Variants in BMPR2 observed in about 807,000 individuals in gnomAD.
BMPR2 encodes bone morphogenetic protein receptor type-2.
BMPR2 carries 29 observed loss-of-function variants against 100.8 expected under a neutral mutation model. The observed-to-expected ratio is 0.29, with a 90% CI of 0.21 to 0.39. The LOEUF (loss-of-function observed/expected upper bound fraction) is 0.39, where lower values mean the gene tolerates loss of function less well. Among genes scored for constraint, BMPR2 ranks in the 10% least tolerant of loss-of-function variants. BMPR2 has a pLI of 1.00. For missense variants in BMPR2, 1,011 were observed against 1,274.5 expected (o/e 0.79, Z 3.15); for synonymous variants, 382 against 442.3 (o/e 0.86, Z 1.71).
chr2:202,544,084 G>A lies in BMPR2; in HGVS notation c.1413+1637G>A, dbSNP rs567986898. 9.6e-4 allele frequency among the ~76,000 whole-genome samples: 146 copies of A among 152,180 alleles called. 1 individual carries two copies. The highest frequency in any genetic ancestry group is 3.3e-3 in the African/African-American group (138 of 41,500). On this transcript the variant is annotated intron_variant, in intron 10 of 12. Coordinates refer to ENST00000374580, the MANE Select transcript of BMPR2 (RefSeq NM_001204.7). ...TTGAACCCCAGAGGTGGAGGTTGCA[G>A]CGAGGCGAGATCGTGCCACTGCACT...
Position 202,566,941 on chromosome 2 carries a change from A to G in BMPR2, c.*6995A>G, listed in dbSNP as rs1688772963. On this transcript the variant is annotated 3_prime_UTR_variant, in exon 13 of 13. Transcript: ENST00000374580. ...ATATTTTTAAAGAAGCTTAACAGTA[A>G]GAAAAAATTACTAAAAGATGCAATT... The G allele has an allele frequency of 6.6e-6, 1 of 152,248 alleles. No homozygotes were observed. Among genetic ancestry groups the G allele is most frequent in the Non-Finnish European group, 1.5e-5 (1 of 68,044 alleles). 9.4% of individuals were successfully genotyped at this position (152,248 alleles called of 1,614,324 possible). A position where few individuals can be genotyped will look rare whatever the true frequency, so the allele number is the denominator to read the frequency against.
chr2:202,439,231 TG>T (rs1435341995), intron 1 of BMPR2, among the ~76,000 whole-genome samples: 2 of 150,196 alleles, frequency 1.3e-5, no homozygotes, highest in Non-Finnish European at 2.9e-5. Flanking sequence ...CTATTATGAA[TG>T]GGCTCATTTT....
Position 202,513,739 on chromosome 2 carries a change from C to G in BMPR2, c.439C>G (p.Arg147Gly). The G allele has an allele frequency of 1.2e-6, 2 of 1,612,608 alleles. No individual in the cohort carries two copies. Among genetic ancestry groups the G allele is most frequent in the South Asian group, 2.2e-5 (2 of 90,964 alleles). ...TPLSPPHSFN[R>G]DETIIIALAS... is the part of the protein sequence containing the mutation. ...TTTAGGTCCACCTCATTCATTTAACCGAGATGAGACAATAATCATTGCTTT... is the reference window on the plus strand; with the variant it reads ...TTTAGGTCCACCTCATTCATTTAACGGAGATGAGACAATAATCATTGCTTT... Residue 147 changes from arginine (R) to glycine (G), a missense_variant, in exon 4 of 13, where the codon CGA becomes GGA. This residue lies in a region of BMPR2 where 355 missense variants were observed against 455.3 expected (regional missense o/e 0.78). Transcript: ENST00000374580.
intron 1 of BMPR2, among the ~76,000 whole-genome samples, chr2:202,397,916 T>A (rs1433717497): frequency 1.3e-5 from 2 of 151,350 alleles, no homozygotes; most frequent in Non-Finnish European, 3.0e-5. Flanking sequence ...AGGTCAGGAG[T>A]TTGAGACCAG....
chr2:202,529,894 A>G (rs1044832652), intron 7 of BMPR2, among the ~76,000 whole-genome samples: 1 of 152,170 alleles, frequency 6.6e-6, no homozygotes, highest in African/African-American at 2.4e-5. Context: ...CTAAGCAGAT[A>G]TTTTAAATTT....
At chr2:202,448,215 C>T (rs942162782) in intron 1 of BMPR2, among the ~76,000 whole-genome samples, 7 of 150,874 alleles carry the variant, frequency 4.6e-5, no homozygotes, top group Non-Finnish European at 8.8e-5. Context: ...TTTGGGAGGC[C>T]GAGGCGGGCG....
intron 1 of BMPR2, among the ~76,000 whole-genome samples, chr2:202,386,975 G>A (rs1467738417): frequency 2.6e-5 from 4 of 152,064 alleles, no homozygotes; most frequent in Admixed American, 6.6e-5. Flanking sequence ...GAGCCACTGC[G>A]CCCGGGCAGA....
chr2:202,384,552 C>CTT (rs1690380671), intron 1 of BMPR2, among the ~76,000 whole-genome samples: 3 of 56,636 alleles, frequency 5.3e-5, no homozygotes, highest in East Asian at 3.9e-4. Context: ...TTCTTTCTTT[C>CTT]TTTCTTTCTT....
intron 10 of BMPR2, among the ~76,000 whole-genome samples, chr2:202,547,922 A>T (rs1688405290): frequency 6.6e-6 from 1 of 151,948 alleles, no homozygotes; most frequent in African/African-American, 2.4e-5. Flanking sequence ...TGTCTCTACT[A>T]AAAATACAAA....
chr2:202,406,082 G>T (rs562443210), intron 1 of BMPR2, among the ~76,000 whole-genome samples: 6 of 152,164 alleles, frequency 3.9e-5, no homozygotes, highest in Non-Finnish European at 8.8e-5. Context: ...TCTACCTTCT[G>T]CTTACTGATG....
At position 202,464,994 on chromosome 2, in the gene BMPR2, C is replaced by A; in HGVS notation, c.247+15C>A. 6.2e-7 allele frequency: 1 copy of A among 1,613,514 alleles called. No homozygotes were observed. Among genetic ancestry groups the A allele is most frequent in the East Asian group, 2.2e-5 (1 of 44,860 alleles). On this transcript the variant is annotated intron_variant, in intron 2 of 12. Coordinates refer to ENST00000374580, the MANE Select transcript of BMPR2 (RefSeq NM_001204.7). ...TGTAAAACAAGGCAAGTGATACTTT[C>A]CTTACCTGAAATGACTGTGTTTTAT... is the stretch of plus-strand genomic sequence containing the variant.
In BMPR2 at chr2:202,377,081, G is replaced by A; in HGVS notation, c.-394G>A. The A allele has an allele frequency of 1.9e-6, 1 of 524,286 alleles. No individual in the cohort carries two copies. The highest frequency in any genetic ancestry group is 3.1e-5 in the East Asian group (1 of 32,076). The allele number at this position is 524,286 out of a possible 1,614,324, so 32.5% of individuals were successfully genotyped here. On this transcript the variant is annotated 5_prime_UTR_variant, in exon 1 of 13. Transcript: ENST00000374580. ...GTTCTGACCCTCGCCCCCCGACCCC[G>A]GATCGAATCCCCGCCCTCCGCACCC...
chr2:202,502,465 A>AAC, intron 3 of BMPR2, among the ~76,000 whole-genome samples: 2 of 152,196 alleles, frequency 1.3e-5, no homozygotes, highest in African/African-American at 4.8e-5. Context: ...GAAGAAGTTG[A>AAC]AGAGAAAGAA....
At chr2:202,475,459 A>T (rs997557623) in intron 3 of BMPR2, among the ~76,000 whole-genome samples, 5 of 152,218 alleles carry the variant, frequency 3.3e-5, no homozygotes, top group African/African-American at 1.2e-4. Flanking sequence ...GCACAGGATA[A>T]GAGAAATATA....
intron 1 of BMPR2, among the ~76,000 whole-genome samples, chr2:202,435,831 C>CTA (rs1223795692): frequency 6.6e-6 from 1 of 150,430 alleles, no homozygotes; most frequent in Non-Finnish European, 1.5e-5. Flanking sequence ...TACAACTATC[C>CTA]TATAGTCTAG....
chr2:202,449,708 C>T (rs563228784), intron 1 of BMPR2, among the ~76,000 whole-genome samples: 3 of 152,278 alleles, frequency 2.0e-5, no homozygotes, highest in African/African-American at 7.2e-5. Context: ...TGTAACTCCA[C>T]GGAACTGATG....
chr2:202,486,989 T>G (rs1692791428), intron 3 of BMPR2, among the ~76,000 whole-genome samples: 1 of 152,214 alleles, frequency 6.6e-6, no homozygotes, highest in Non-Finnish European at 1.5e-5. Flanking sequence ...CTGTGTATTC[T>G]CATGGGTCTT....
chr2:202,433,224 A>C (rs1449031053), intron 1 of BMPR2, among the ~76,000 whole-genome samples: 2 of 150,570 alleles, frequency 1.3e-5, no homozygotes, highest in East Asian at 3.8e-4. Context: ...AGGATTCTCC[A>C]GATAAACAGA....
At chr2:202,427,687 A>G (rs868559596) in intron 1 of BMPR2, among the ~76,000 whole-genome samples, 3 of 152,068 alleles carry the variant, frequency 2.0e-5, no homozygotes, top group Non-Finnish European at 4.4e-5. Context: ...TATAGGAAAT[A>G]CTTTTTATGG....
Sources: allele counts gnomAD v4.1 joint callset (sites outside exome capture counted in the v4.1 genomes callset), GRCh38; gene constraint gnomAD v4.1.1; regional missense constraint gnomAD v4.1.1; transcripts MANE v1.5; gene names NCBI Gene and HGNC (gene_info 2026-07-23, HGNC 2026-07-21).